Variants in PID1 observed in about 807,000 individuals in gnomAD.
PID1 encodes PTB-containing, cubilin and LRP1-interacting protein.
A neutral mutation model predicts 19.1 loss-of-function variants in PID1; 10 were observed. That is an observed-to-expected ratio of 0.52 (90% CI 0.32 to 0.89). PID1 has a LOEUF of 0.89. Ranked by LOEUF, PID1 falls within the 40% of genes least tolerant of loss-of-function variation. The probability of loss-of-function intolerance (pLI) is 0.03; values close to 1 mark genes in which losing one functional copy is unlikely to be tolerated. For missense variants in PID1, 248 were observed against 285.3 expected, an observed-to-expected ratio of 0.87 and a Z score of 0.94; for synonymous variants, 130 against 116.0, an observed-to-expected ratio of 1.12 and a Z score of -0.78.
chr2:229,139,031 GAAA>G (rs1559251308), intron 2 of PID1, among the ~76,000 whole-genome samples: 2 of 68,698 alleles, frequency 2.9e-5, no homozygotes, highest in African/African-American at 1.1e-4. Flanking sequence ...AAGAAAGAAA[GAAA>G]GAAAGAGAAA....
At chr2:229,113,364 T>C (rs1431847453) in intron 2 of PID1, among the ~76,000 whole-genome samples, 2 of 148,834 alleles carry the variant, frequency 1.3e-5, no homozygotes, top group African/African-American at 4.9e-5. Context: ...TTACTTTTAA[T>C]GTCTGGAGCC....
chr2:229,253,593 A>C (rs1436977547), intron 1 of PID1, among the ~76,000 whole-genome samples: 4 of 1,978 alleles, frequency 2.0e-3, no homozygotes, highest in East Asian at 0.053. Context: ...ATTCCAAGCA[A>C]AAAAAAAAAA....
chr2:229,253,798 C>T (rs1690216907), intron 1 of PID1, among the ~76,000 whole-genome samples: 2 of 152,150 alleles, frequency 1.3e-5, no homozygotes, highest in African/African-American at 4.8e-5. Context: ...AATTTGAAGA[C>T]TGAACATCAA....
At chr2:229,221,298 T>TA (rs1450293018) in intron 1 of PID1, among the ~76,000 whole-genome samples, 4 of 152,214 alleles carry the variant, frequency 2.6e-5, no homozygotes, top group Admixed American at 1.3e-4. Flanking sequence ...GCCATGTATC[T>TA]ACTGCATCAC....
At chr2:229,159,794 A>G (rs17614196) in intron 1 of PID1, among the ~76,000 whole-genome samples, 48,854 of 152,080 alleles carry the variant, frequency 0.32, 8,582 homozygotes, top group East Asian at 0.69. Flanking sequence ...GAAAAGTAAG[A>G]GCAAGTCTTC....
intron 2 of PID1, among the ~76,000 whole-genome samples, chr2:229,073,276 C>A (rs1419425421): frequency 6.6e-6 from 1 of 152,180 alleles, no homozygotes; most frequent in African/African-American, 2.4e-5. Flanking sequence ...CCGCCTGACT[C>A]GGCCTCCCAA....
chr2:229,026,906 G>T (rs901257018), intron 2 of PID1, among the ~76,000 whole-genome samples: 2 of 152,020 alleles, frequency 1.3e-5, no homozygotes, highest in Non-Finnish European at 1.5e-5. Context: ...TGCCAAGAAG[G>T]GATTTTCATC....
chr2:229,236,367 A>G (rs1247369893), intron 1 of PID1: 1 of 152,198 alleles, frequency 6.6e-6, no homozygotes, highest in Admixed American at 6.5e-5. Context: ...TTGGAGAGTT[A>G]GGCATCCCTT....
rs1220039551 is a variant in PID1, at chr2:229,103,622, G to T, written c.177+52196C>A. ...AGACAGAGTCTCGCTCTGTCACCCA[G>T]GCTGGAGTGCAGCGGTGTGATCTTG... is the stretch of plus-strand genomic sequence containing the variant. On this transcript the variant is annotated intron_variant, in intron 2 of 2. Transcript: ENST00000392055. 1.3e-3 allele frequency among the ~76,000 whole-genome samples: 183 copies of T among 143,960 alleles called. 2 individuals are homozygous for T. Among genetic ancestry groups the T allele is most frequent in the Non-Finnish European group, 1.5e-4 (10 of 66,922 alleles). The allele number at this position is 143,960 out of a possible 152,430, so 94.4% of individuals were successfully genotyped here.
intron 2 of PID1, among the ~76,000 whole-genome samples, chr2:229,040,276 C>T (rs991614128): frequency 4.6e-5 from 7 of 151,876 alleles, no homozygotes; most frequent in South Asian, 2.1e-4. Flanking sequence ...AAAAAAATCG[C>T]GGCACTGCAC....
At chr2:229,062,644 C>T (rs991162984) in intron 2 of PID1, among the ~76,000 whole-genome samples, 2 of 151,822 alleles carry the variant, frequency 1.3e-5, no homozygotes, top group Admixed American at 6.6e-5. Flanking sequence ...TTAATGTTGG[C>T]CTCATTAAAT....
intron 1 of PID1, among the ~76,000 whole-genome samples, chr2:229,187,578 T>C (rs1401412628): frequency 1.3e-5 from 2 of 152,114 alleles, no homozygotes; most frequent in Admixed American, 1.3e-4. Context: ...CCACGATGAT[T>C]TAATTACCTT....
chr2:229,206,566 T>C (rs565349299), intron 1 of PID1, among the ~76,000 whole-genome samples: 7 of 152,326 alleles, frequency 4.6e-5, no homozygotes, highest in African/African-American at 1.7e-4. Context: ...ATTTGCTGTA[T>C]GTTTTTATGT....
At chr2:229,039,150 C>T (rs1693719680) in intron 2 of PID1, among the ~76,000 whole-genome samples, 1 of 152,188 alleles carries the variant, frequency 6.6e-6, no homozygotes, top group Non-Finnish European at 1.5e-5. Context: ...AGTCCTAGCT[C>T]ACATTCTGTT....
chr2:229,088,060 C>T (rs780569497), intron 2 of PID1, among the ~76,000 whole-genome samples: 6 of 152,292 alleles, frequency 3.9e-5, no homozygotes, highest in Non-Finnish European at 8.8e-5. Context: ...TCTCTAAGAG[C>T]TGCCAGGAGC....
At chr2:229,228,001 T>C (rs1692117882) in intron 1 of PID1, 1 of 455,882 alleles carries the variant, frequency 2.2e-6, no homozygotes. Flanking sequence ...CAAGAGGTCC[T>C]GAATCGATTC....
intron 2 of PID1, among the ~76,000 whole-genome samples, chr2:229,038,333 C>T (rs1409147338): frequency 6.6e-6 from 1 of 152,166 alleles, no homozygotes; most frequent in Non-Finnish European, 1.5e-5. Flanking sequence ...ACATCCATAT[C>T]ATGGGATACC....
intron 1 of PID1, among the ~76,000 whole-genome samples, chr2:229,215,632 T>C (rs887602323): frequency 6.6e-6 from 1 of 152,112 alleles, no homozygotes; most frequent in Non-Finnish European, 1.5e-5. Context: ...GGAGTTCCCA[T>C]GAAAAGGGTA....
At chr2:229,198,837 GCCT>G (rs1691432215) in intron 1 of PID1, among the ~76,000 whole-genome samples, 1 of 151,958 alleles carries the variant, frequency 6.6e-6, no homozygotes. Flanking sequence ...CTCATAACTG[GCCT>G]CCTTGCATCC....
Sources: allele counts gnomAD v4.1 joint callset (sites outside exome capture counted in the v4.1 genomes callset), GRCh38; gene constraint gnomAD v4.1.1; transcripts MANE v1.5; gene names NCBI Gene and HGNC (gene_info 2026-07-23, HGNC 2026-07-21).